GALNT15: variants seen among roughly 807,000 people sequenced by gnomAD.
GALNT15 encodes the protein UDP-GalNAc transferase T15.
A neutral mutation model predicts 66.8 loss-of-function variants in GALNT15; 67 were observed. The observed-to-expected ratio is 1.00, with a 90% CI of 0.82 to 1.23. The LOEUF (loss-of-function observed/expected upper bound fraction) is 1.23, where lower values mean the gene tolerates loss of function less well. Among genes scored for constraint, GALNT15 ranks in the 50% most tolerant of loss-of-function variants. GALNT15 has a pLI of 0.00. For synonymous variants in GALNT15, 313 were observed against 311.5 expected (o/e 1.00, Z -0.05); for missense variants, 827 against 804.3 (o/e 1.03, Z -0.34).
At chr3:16,192,169 A>C (rs115760646) in intron 1 of GALNT15, among the ~76,000 whole-genome samples, 3,145 of 152,268 alleles carry the variant, frequency 0.021, 119 homozygotes, top group African/African-American at 0.071. Context: ...AGTTCTTTTG[A>C]CCATCTTACT....
chr3:16,179,728 A>G (rs2063449517), intron 1 of GALNT15, among the ~76,000 whole-genome samples: 1 of 152,248 alleles, frequency 6.6e-6, no homozygotes, highest in Non-Finnish European at 1.5e-5. Flanking sequence ...CATTCTTTAC[A>G]GGAACAGAAC....
intron 3 of GALNT15, among the ~76,000 whole-genome samples, chr3:16,207,498 C>T (rs1299901208): frequency 2.4e-5 from 2 of 85,022 alleles, no homozygotes; most frequent in Non-Finnish European, 4.2e-5. Flanking sequence ...TATCTCCAGG[C>T]TGTAAAAAAA....
At chr3:16,210,943 A>C (rs1010226504) in intron 4 of GALNT15, among the ~76,000 whole-genome samples, 181 bp from the exon 5 acceptor site, 1 of 152,184 alleles carries the variant, frequency 6.6e-6, no homozygotes, top group Non-Finnish European at 1.5e-5. Flanking sequence ...TCCATCAAAC[A>C]CTGGGATTTC....
chr3:16,221,629 A>G (rs1320663177), intron 8 of GALNT15, among the ~76,000 whole-genome samples: 1 of 152,192 alleles, frequency 6.6e-6, no homozygotes, highest in Non-Finnish European at 1.5e-5. Context: ...GCCAGCTTTG[A>G]CCTTCAAAGG....
chr3:16,247,098 G>T, the GALNT15 span, among the ~76,000 whole-genome samples: 3 of 22,950 alleles, frequency 1.3e-4, no homozygotes, highest in Admixed American at 1.3e-3. Context: ...AAAGACTGTA[G>T]TGTGTGTGTG....
intron 1 of GALNT15, among the ~76,000 whole-genome samples, chr3:16,190,510 C>T (rs1395413184): frequency 3.3e-5 from 5 of 151,946 alleles, no homozygotes; most frequent in Non-Finnish European, 5.9e-5. Context: ...TGGTGGCGGG[C>T]GCCTGTAGTC....
chr3:16,246,557 C>T, the GALNT15 span, among the ~76,000 whole-genome samples: 15 of 152,040 alleles, frequency 9.9e-5, no homozygotes, highest in Non-Finnish European at 2.1e-4. Context: ...CTCTTGACCT[C>T]GTGATCTGCC....
chr3:16,232,508 A>ATT (rs1553689266), downstream of GALNT15, among the ~76,000 whole-genome samples: 45 of 78,580 alleles, frequency 5.7e-4, no homozygotes, highest in African/African-American at 2.6e-3. Context: ...ATATATATAT[A>ATT]TATTTATTTA....
chr3:16,222,714 G>A lies in GALNT15; in HGVS notation c.1729G>A (p.Glu577Lys), dbSNP rs1173976731. 5 of 1,614,118 alleles carry A rather than the reference G, an allele frequency of 3.1e-6. No homozygotes were observed. The highest frequency in any genetic ancestry group is 3.4e-6 in the Non-Finnish European group (4 of 1,180,050). Residue 577 changes from glutamate to lysine, a missense_variant, in exon 9 of 10, where the codon GAG (glutamate) becomes AAG (lysine). Glu to Lys is a moderately conservative substitution (Grantham distance 56). Coordinates refer to ENST00000339732, the MANE Select transcript of GALNT15 (RefSeq NM_054110.5). ...QEQVILQNCT[E>K]EGLAIHQQHW... ...GCAGGTGATTCTTCAGAACTGCACG[G>A]AGGAAGGCCTGGCCATCCACCAGCA...
rs551669201 is a variant in GALNT15 at position 16,219,982 on chromosome 3, T to A, written c.1597T>A (p.Leu533Met). ...GGACATCCTGGGCTGTCCCATGGTG[T>A]TGGCTCCTTGCAGTGACAGCCGGCA... ...EGDILGCPMV[L>M]APCSDSRQQQ... The change falls in exon 8 of 10, where the codon TTG becomes ATG. Residue 533 changes from leucine (L) to methionine (M), a missense_variant. By Grantham distance (15) the Leu-to-Met change is conservative. Transcript: ENST00000339732. This position sits in a 1 kb window ranked among gnomAD's most constrained non-coding sequence, Gnocchi z 4.3. 5.0e-6 allele frequency: 8 copies of A among 1,614,210 alleles called. 1 individual carries two copies. In the South Asian group the frequency reaches 7.7e-5, roughly 16 times the overall value.
rs1167692316 is a variant in GALNT15 at position 16,176,943 on chromosome 3, C to T, written c.539+1253C>T. 6.6e-6 allele frequency among the ~76,000 whole-genome samples: 1 copy of T among 152,202 alleles called. No homozygotes were observed. The highest frequency in any genetic ancestry group is 2.4e-5 in the African/African-American group (1 of 41,448). ...CGGGTGCCTCACTCACCGCACCCTA[C>T]TTCCATTTCAAACCCGCTACACTGT... On this transcript the variant is annotated intron_variant, in intron 1 of 9. Transcript: ENST00000339732. This position sits in a 1 kb window ranked among gnomAD's most constrained non-coding sequence, Gnocchi z 5.6.
chr3:16,207,400 G>C (rs2063767661), intron 3 of GALNT15, among the ~76,000 whole-genome samples: 1 of 150,480 alleles, frequency 6.6e-6, no homozygotes, highest in Non-Finnish European at 1.5e-5. Context: ...TGGCTAGGTG[G>C]ATAGCAGCTC....
At position 16,204,626 on chromosome 3, in the gene GALNT15, C is replaced by A. The variant is rs2063738467; in HGVS notation, c.911+3803C>A. Among the ~76,000 whole-genome samples, 1 of 152,110 alleles carries A rather than the reference C, an allele frequency of 6.6e-6. No individual in the cohort carries two copies. Among genetic ancestry groups the A allele is most frequent in the African/African-American group, 2.4e-5 (1 of 41,420 alleles). On this transcript the variant is annotated intron_variant, in intron 3 of 9. Coordinates refer to ENST00000339732, the MANE Select transcript of GALNT15 (RefSeq NM_054110.5). This position sits in a 1 kb window ranked among gnomAD's most constrained non-coding sequence, Gnocchi z 4.5. ...CAAGCCAAGCAGTGGAAGCCATACC[C>A]CTGGAAGGATGAAGGTTTCTAAGGG... is the stretch of plus-strand genomic sequence containing the variant.
In GALNT15 at chr3:16,176,298, T is replaced by C. The variant is rs1200154137; in HGVS notation, c.539+608T>C. Among the ~76,000 whole-genome samples, 1 of 152,342 alleles carries C rather than the reference T, an allele frequency of 6.6e-6. No individual in the cohort carries two copies. The highest frequency in any genetic ancestry group is 1.5e-5 in the Non-Finnish European group (1 of 68,028). On this transcript the variant is annotated intron_variant, in intron 1 of 9. Transcript: ENST00000339732. This position sits in a 1 kb window ranked among gnomAD's most constrained non-coding sequence, Gnocchi z 5.6. ...CTCTGCAAGATGGGTGCTAGTAGTATCATCATGCTTATTCTATAGGTATGA... is the reference window on the plus strand; with the variant it reads ...CTCTGCAAGATGGGTGCTAGTAGTACCATCATGCTTATTCTATAGGTATGA...
intron 3 of GALNT15, among the ~76,000 whole-genome samples, chr3:16,202,387 C>T (rs1473174128): frequency 6.6e-6 from 1 of 152,176 alleles, no homozygotes; most frequent in African/African-American, 2.4e-5. Flanking sequence ...AATCCCAGCA[C>T]TTTGGGAGGC....
Position 16,174,936 on chromosome 3 carries a change from G to A in GALNT15, c.-216G>A. Reference sequence around the variant, plus strand: ...CAATTAAAGAAATCCACTCAGAGAGGACTTGGGGTGAAACTTGGGTCCTGT... The same window carrying A: ...CAATTAAAGAAATCCACTCAGAGAGAACTTGGGGTGAAACTTGGGTCCTGT... On this transcript the variant is annotated 5_prime_UTR_variant, in exon 1 of 10. Coordinates refer to ENST00000339732, the MANE Select transcript of GALNT15 (RefSeq NM_054110.5). This position sits in a 1 kb window ranked among gnomAD's most constrained non-coding sequence, Gnocchi z 4.7. 1 of 555,348 alleles carries A rather than the reference G, an allele frequency of 1.8e-6. No individual in the cohort carries two copies. The highest frequency in any genetic ancestry group is 3.2e-6 in the Non-Finnish European group (1 of 312,906). 34.4% of individuals were successfully genotyped at this position (555,348 alleles called of 1,614,324 possible).
At chr3:16,242,523 C>T in the GALNT15 span, among the ~76,000 whole-genome samples, 13 of 151,964 alleles carry the variant, frequency 8.6e-5, no homozygotes, top group African/African-American at 2.7e-4. This position sits in a 1 kb window ranked among gnomAD's most constrained non-coding sequence, Gnocchi z 5.6. Flanking sequence ...TTTAGGAGGC[C>T]GAGGCAGGCA....
At chr3:16,192,301 G>A (rs2063587727) in intron 1 of GALNT15, among the ~76,000 whole-genome samples, 1 of 152,194 alleles carries the variant, frequency 6.6e-6, no homozygotes, top group African/African-American at 2.4e-5. Flanking sequence ...GGCATGGCTG[G>A]CAGGCATAGC....
intron 4 of GALNT15, among the ~76,000 whole-genome samples, chr3:16,210,833 A>G (rs2063805016): frequency 6.6e-6 from 1 of 152,222 alleles, no homozygotes; most frequent in Non-Finnish European, 1.5e-5. Flanking sequence ...GAGGGACTCA[A>G]GCCAGAGGGC....
Sources: gnomAD v4.1 joint callset for allele counts (sites outside exome capture counted in the v4.1 genomes callset) on GRCh38, gnomAD v4.1.1 for gene constraint, Gnocchi (gnomAD v3.1) non-coding constraint, MANE v1.5 for transcripts, NCBI Gene and HGNC (gene_info 2026-07-23, HGNC 2026-07-21) for gene names.